LRP1B: variants seen among roughly 807,000 people sequenced by gnomAD.
The protein encoded by LRP1B is LDL receptor related protein 1B.
A neutral mutation model predicts 556.6 loss-of-function variants in LRP1B; 217 were observed. The observed-to-expected ratio is 0.39, with a 90% confidence interval of 0.35 to 0.44. The LOEUF is 0.44. LRP1B is among the 20% of genes least tolerant of loss of function. The pLI is 1.00. For synonymous variants in LRP1B, 2,047 were observed against 1,865.8 expected (o/e 1.10, Z -2.50); for missense variants, 5,053 against 5,620.8 (o/e 0.90, Z 3.23).
At chr2:140,830,827 CA>C (rs1256483844) in intron 31 of LRP1B, among the ~76,000 whole-genome samples, 1 of 151,920 alleles carries the variant, frequency 6.6e-6, no homozygotes. Flanking sequence ...AAGTCCCCAC[CA>C]AAAATCTATT....
chr2:140,291,316 A>ATTTT (rs946522615), intron 84 of LRP1B, among the ~76,000 whole-genome samples: 73 of 68,748 alleles, frequency 1.1e-3, no homozygotes, highest in African/African-American at 3.4e-3. Flanking sequence ...ATATATATAT[A>ATTTT]TATTTTTATT....
At chr2:140,948,759 T>C (rs1275084822) in intron 20 of LRP1B, among the ~76,000 whole-genome samples, 1 of 152,238 alleles carries the variant, frequency 6.6e-6, no homozygotes, top group Non-Finnish European at 1.5e-5. Context: ...TCAGGGCCTA[T>C]AGGCCATTGT....
intron 3 of LRP1B, among the ~76,000 whole-genome samples, chr2:141,268,170 A>G (rs906681679): frequency 2.0e-5 from 3 of 152,198 alleles, no homozygotes; most frequent in Non-Finnish European, 4.4e-5. Context: ...AAAAATGCCA[A>G]CTGTGTGTTA....
intron 2 of LRP1B, among the ~76,000 whole-genome samples, chr2:141,709,365 T>TAAATAAAATA (rs70994445): frequency 0.082 from 12,129 of 147,968 alleles, 618 homozygotes; most frequent in South Asian, 0.14. Flanking sequence ...TAAAAGAAAA[T>TAAATAAAATA]AAATAAAATA....
chr2:141,817,534 G>GA (rs1180278409), intron 1 of LRP1B, among the ~76,000 whole-genome samples: 5 of 151,912 alleles, frequency 3.3e-5, no homozygotes, highest in East Asian at 3.9e-4. Flanking sequence ...AGCCATAGCT[G>GA]AAAAAAATGT....
intron 16 of LRP1B, 43 bp downstream of exon 16, chr2:140,993,952 C>T: frequency 6.3e-7 from 1 of 1,599,662 alleles, no homozygotes; most frequent in East Asian, 2.2e-5. Flanking sequence ...CACTCAAAGA[C>T]TCAGGAAAAT....
At chr2:140,458,441 G>A (rs945312307) in intron 60 of LRP1B, among the ~76,000 whole-genome samples, 4 of 152,084 alleles carry the variant, frequency 2.6e-5, no homozygotes, top group African/African-American at 9.7e-5. Flanking sequence ...CTGTTCAGTG[G>A]TTTGGGTTTA....
At chr2:141,821,014 G>T (rs554614501) in intron 1 of LRP1B, among the ~76,000 whole-genome samples, 3 of 152,290 alleles carry the variant, frequency 2.0e-5, no homozygotes, top group East Asian at 1.9e-4. Flanking sequence ...TTGCCAGGGG[G>T]AGATCAGAGA....
chr2:140,336,503 T>C (rs974192223), intron 77 of LRP1B, among the ~76,000 whole-genome samples: 5 of 151,604 alleles, frequency 3.3e-5, no homozygotes, highest in Admixed American at 2.6e-4. Context: ...CTAGAAAAAA[T>C]TTTCAAAGAG....
chr2:141,527,691 A>G (rs538912657), intron 2 of LRP1B, among the ~76,000 whole-genome samples: 1 of 152,262 alleles, frequency 6.6e-6, no homozygotes, highest in African/African-American at 2.4e-5. Flanking sequence ...GAATGAAAAT[A>G]TGCTATGCTA....
chr2:141,277,995 A>C (rs1464276822), intron 3 of LRP1B, among the ~76,000 whole-genome samples: 1 of 152,186 alleles, frequency 6.6e-6, no homozygotes, highest in Non-Finnish European at 1.5e-5. Flanking sequence ...TCTTGAAAAT[A>C]ATAAGAAAAC....
At chr2:141,446,142 T>C (rs1681185396) in intron 3 of LRP1B, among the ~76,000 whole-genome samples, 1 of 152,222 alleles carries the variant, frequency 6.6e-6, no homozygotes, top group African/African-American at 2.4e-5. Flanking sequence ...TTAGCTCTTC[T>C]TGTTGAATTG....
chr2:142,015,192 GAGTA>G (rs1703079305), intron 1 of LRP1B, among the ~76,000 whole-genome samples: 1 of 152,134 alleles, frequency 6.6e-6, no homozygotes, highest in Admixed American at 6.5e-5. Context: ...CTTTAAGAAA[GAGTA>G]AGTATGTCCC....
intron 77 of LRP1B, among the ~76,000 whole-genome samples, chr2:140,345,717 TATATATATACAC>T (rs1681617166): frequency 6.9e-6 from 1 of 145,224 alleles, no homozygotes; most frequent in Non-Finnish European, 1.5e-5. Flanking sequence ...CTCATATATG[TATATATATACAC>T]ATATATATAC....
At chr2:141,364,850 A>G (rs1266111222) in intron 3 of LRP1B, among the ~76,000 whole-genome samples, 2 of 152,326 alleles carry the variant, frequency 1.3e-5, no homozygotes, top group East Asian at 1.9e-4. Context: ...AAACTTTGTA[A>G]TTATATGTAT....
intron 66 of LRP1B, among the ~76,000 whole-genome samples, chr2:140,414,369 T>A (rs1685090162): frequency 6.6e-6 from 1 of 152,150 alleles, no homozygotes; most frequent in African/African-American, 2.4e-5. Flanking sequence ...GGGCCTCACA[T>A]AATAATAGTA....
chr2:140,772,676 T>A (rs1056613156), intron 33 of LRP1B, among the ~76,000 whole-genome samples: 1 of 152,194 alleles, frequency 6.6e-6, no homozygotes, highest in African/African-American at 2.4e-5. Flanking sequence ...GGTATATTAA[T>A]GTAATGCCAA....
intron 2 of LRP1B, among the ~76,000 whole-genome samples, chr2:141,667,447 T>C (rs954724397): frequency 2.0e-5 from 3 of 152,076 alleles, no homozygotes; most frequent in Admixed American, 1.3e-4. Flanking sequence ...TGACAAAAAA[T>C]AGACATTAAA....
intron 11 of LRP1B, among the ~76,000 whole-genome samples, chr2:141,042,187 TAG>T (rs1038864464): frequency 1.3e-5 from 2 of 152,132 alleles, no homozygotes; most frequent in Admixed American, 1.3e-4. Context: ...CCTTGGAAGA[TAG>T]AGATTACATC....
Sources: gnomAD v4.1 joint callset for allele counts (sites outside exome capture counted in the v4.1 genomes callset) on GRCh38, gnomAD v4.1.1 for gene constraint, MANE v1.5 for transcripts, NCBI Gene and HGNC (gene_info 2026-07-23, HGNC 2026-07-21) for gene names.